CSMD1: variants seen among roughly 807,000 people sequenced by gnomAD.
The protein encoded by CSMD1 is CUB and sushi domain-containing protein 1.
A neutral mutation model predicts 417.5 loss-of-function variants in CSMD1; 213 were observed. That is an observed-to-expected ratio of 0.51 (90% confidence interval 0.46 to 0.57). CSMD1 has a LOEUF of 0.57. CSMD1 is among the 20% of genes least tolerant of loss of function. CSMD1 has a pLI of 0.00. For synonymous variants in CSMD1, 2,862 were observed against 1,736.8 expected (o/e 1.65, Z -16.11); for missense variants, 6,923 against 4,529.7 (o/e 1.53, Z -15.17).
At chr8:4,498,007 C>T (rs749046195) in intron 2 of CSMD1, among the ~76,000 whole-genome samples, 2 of 152,116 alleles carry the variant, frequency 1.3e-5, no homozygotes, top group African/African-American at 2.4e-5. Flanking sequence ...GTACAGTAAA[C>T]GTCCCGCAGC....
At chr8:3,568,499 G>C (rs540185545) in intron 10 of CSMD1, among the ~76,000 whole-genome samples, 3 of 152,128 alleles carry the variant, frequency 2.0e-5, no homozygotes, top group South Asian at 4.1e-4. Context: ...TTTTTAATGA[G>C]CTTTAATAGC....
intron 18 of CSMD1, among the ~76,000 whole-genome samples, chr8:3,376,571 C>A (rs946707455): frequency 1.3e-5 from 2 of 151,814 alleles, no homozygotes; most frequent in African/African-American, 2.4e-5. Context: ...CAAATAAATT[C>A]TTTTTTTGTT....
chr8:4,032,047 C>A lies in CSMD1; in HGVS notation c.468G>T (p.Leu156=), dbSNP rs569320965. 1.9e-6 allele frequency: 3 copies of A among 1,613,874 alleles called. No homozygotes were observed. The Admixed American group carries it at 5.0e-5, about 27-fold the overall frequency. The change falls in exon 4 of 70, where the codon CTG becomes CTT. Residue 156 remains leucine, a synonymous_variant. Coordinates refer to ENST00000635120, the MANE Select transcript of CSMD1 (RefSeq NM_033225.6). ...GNPGEILKGV[L]HGTRFNIGDK... ...CTCCTATGTTGAATCTCGTTCCATG[C>A]AGAACTCCTTTCAGGATTTCTCCAG...
intron 6 of CSMD1, among the ~76,000 whole-genome samples, chr8:3,709,690 T>TTTTTTTTTTTTTTTTTTTTTTG (rs1801392471): frequency 8.4e-6 from 1 of 118,554 alleles, no homozygotes; most frequent in South Asian, 3.4e-4. Context: ...GTTTTTTTTT[T>TTTTTTTTTTTTTTTTTTTTTTG]TTTTTTTTTT....
chr8:4,924,869 C>T (rs1381555732), intron 1 of CSMD1, among the ~76,000 whole-genome samples: 4 of 151,970 alleles, frequency 2.6e-5, no homozygotes, highest in East Asian at 1.9e-4. Context: ...TCTCAAGTTT[C>T]CCCAACCAGC....
chr8:4,149,229 G>A (rs1222308233), intron 3 of CSMD1, among the ~76,000 whole-genome samples: 1 of 152,004 alleles, frequency 6.6e-6, no homozygotes, highest in Non-Finnish European at 1.5e-5. Context: ...CTCCCAAACT[G>A]CTGAGATAAC....
In CSMD1 at chr8:4,397,240, G is replaced by A. The variant is rs147876563; in HGVS notation, c.415+22713C>T. 1.4e-3 allele frequency among the ~76,000 whole-genome samples: 210 copies of A among 152,096 alleles called. 1 individual carries two copies. Among genetic ancestry groups the A allele is most frequent in the African/African-American group, 4.4e-3 (184 of 41,496 alleles). On this transcript the variant is annotated intron_variant, in intron 3 of 69. Transcript: ENST00000635120. ...AACAGCTCCCTTCTGTTTATTTAGC[G>A]TGTGAGCATGCGTTTTTTCATAAAA...
chr8:3,900,750 C>A (rs1807692793), intron 5 of CSMD1, among the ~76,000 whole-genome samples: 2 of 152,012 alleles, frequency 1.3e-5, no homozygotes, highest in Non-Finnish European at 2.9e-5. Context: ...GCCACCGCAA[C>A]TGGGTGACAG....
intron 3 of CSMD1, among the ~76,000 whole-genome samples, chr8:4,365,565 T>A (rs773398750): frequency 2.6e-5 from 4 of 152,238 alleles, no homozygotes; most frequent in Non-Finnish European, 5.9e-5. Context: ...ATTGTGCCTC[T>A]TATTGATGAT....
chr8:3,967,056 T>G (rs547228999), intron 5 of CSMD1, among the ~76,000 whole-genome samples: 1 of 152,294 alleles, frequency 6.6e-6, no homozygotes, highest in Admixed American at 6.5e-5. Flanking sequence ...ATCCAGATAT[T>G]GAAATCAGAC....
intron 1 of CSMD1, among the ~76,000 whole-genome samples, chr8:4,695,944 G>A (rs1807098812): frequency 1.3e-5 from 2 of 152,166 alleles, no homozygotes; most frequent in South Asian, 4.1e-4. Context: ...CTACATGAAA[G>A]CCGGCTGTGG....
At chr8:4,416,860 C>A (rs553521603) in intron 3 of CSMD1, among the ~76,000 whole-genome samples, 32 of 151,962 alleles carry the variant, frequency 2.1e-4, no homozygotes, top group Non-Finnish European at 4.0e-4. Context: ...AGAAACATTA[C>A]ACAAATAAAA....
At chr8:3,993,000 G>C (rs568986021) in intron 5 of CSMD1, among the ~76,000 whole-genome samples, 18 of 152,204 alleles carry the variant, frequency 1.2e-4, no homozygotes, top group African/African-American at 4.3e-4. Context: ...GGGCCAAGGA[G>C]GCAAAACCAA....
At chr8:4,956,709 A>C in intron 1 of CSMD1, among the ~76,000 whole-genome samples, 1 of 152,154 alleles carries the variant, frequency 6.6e-6, no homozygotes, top group South Asian at 2.1e-4. Context: ...GATGAACTTA[A>C]TGTTCCAACA....
chr8:4,455,929 CAAAAAAAAAAAAAAAAAA>C lies in CSMD1; in HGVS notation c.303-35882_303-35865del, dbSNP rs71207091. 3.2e-3 allele frequency among the ~76,000 whole-genome samples: 37 copies of C among 11,650 alleles called. 1 individual carries two copies. Among genetic ancestry groups the C allele is most frequent in the South Asian group, 0.013 (2 of 150 alleles). 7.6% of individuals were successfully genotyped at this position (11,650 alleles called of 152,430 possible). Reference sequence around the variant, plus strand: ...GGGTGACAAAGTGAGACTCCAACTCCAAAAAAAAAAAAAAAAAAAAAAAAAAAAAAAAAATGCAGTTAA... The same window carrying C: ...GGGTGACAAAGTGAGACTCCAACTCCAAAAAAAAAAAAAAAATGCAGTTAA... On this transcript the variant is annotated intron_variant, in intron 2 of 69. Coordinates refer to ENST00000635120, the MANE Select transcript of CSMD1 (RefSeq NM_033225.6).
At chr8:3,519,790 T>A (rs1797427018) in intron 10 of CSMD1, among the ~76,000 whole-genome samples, 1 of 150,716 alleles carries the variant, frequency 6.6e-6, no homozygotes, top group South Asian at 2.1e-4. Context: ...CATCATTTAA[T>A]AATAAATTAA....
intron 30 of CSMD1, among the ~76,000 whole-genome samples, chr8:3,210,842 T>A (rs1271484830): frequency 1.3e-5 from 2 of 152,024 alleles, no homozygotes; most frequent in Non-Finnish European, 2.9e-5. Context: ...GAATTTAATA[T>A]AAATTAAATG....
At chr8:4,309,400 C>G (rs1460410800) in intron 3 of CSMD1, among the ~76,000 whole-genome samples, 2 of 151,854 alleles carry the variant, frequency 1.3e-5, no homozygotes, top group South Asian at 2.1e-4. Flanking sequence ...CCCTCAAAAG[C>G]TTTGGAAATT....
chr8:3,046,163 C>T (rs561834415), intron 50 of CSMD1, among the ~76,000 whole-genome samples: 38 of 152,284 alleles, frequency 2.5e-4, no homozygotes, highest in African/African-American at 8.9e-4. Flanking sequence ...TTGCTATGCT[C>T]ACAAAGTCAG....
Sources: gnomAD v4.1 joint callset for allele counts (sites outside exome capture counted in the v4.1 genomes callset) on GRCh38, gnomAD v4.1.1 for gene constraint, MANE v1.5 for transcripts, NCBI Gene and HGNC (gene_info 2026-07-23, HGNC 2026-07-21) for gene names.